The following PCSK6 variants were observed in gnomAD, a reference collection of about 807,000 sequenced individuals.
PCSK6 encodes paired basic amino acid cleaving enzyme 4.
A neutral mutation model predicts 123.3 loss-of-function variants in PCSK6; 85 were observed. The observed-to-expected ratio is 0.69, with a 90% confidence interval of 0.58 to 0.83. PCSK6 has a LOEUF of 0.83. PCSK6 is among the 40% of genes least tolerant of loss of function. The pLI is 0.00. For synonymous variants in PCSK6, 508 were observed against 516.0 expected, an observed-to-expected ratio of 0.98 and a Z score of 0.21; for missense variants, 1,191 against 1,282.3, an observed-to-expected ratio of 0.93 and a Z score of 1.09.
At chr15:101,337,993 C>T (rs539802991) in intron 13 of PCSK6, among the ~76,000 whole-genome samples, 3 of 152,226 alleles carry the variant, frequency 2.0e-5, no homozygotes, top group South Asian at 2.1e-4. Flanking sequence ...AATAGAGTCC[C>T]GAAAGTGGAA....
At chr15:101,366,051 A>T in intron 13 of PCSK6, 145 bp downstream of exon 13, 2 of 851,452 alleles carry the variant, frequency 2.3e-6, no homozygotes, top group Non-Finnish European at 3.5e-6. Context: ...AAAAATAATT[A>T]AAATGGTGAA....
chr15:101,364,400 C>A (rs1403696894), intron 13 of PCSK6, among the ~76,000 whole-genome samples: 8 of 152,102 alleles, frequency 5.3e-5, no homozygotes, highest in Admixed American at 5.2e-4. Context: ...AGTTTTCTTT[C>A]CTGGTTGTAA....
Position 101,307,197 on chromosome 15 carries a change from C to T in PCSK6, c.2812+16G>A. 6.2e-6 allele frequency: 10 copies of T among 1,600,400 alleles called. No individual in the cohort carries two copies. The highest frequency in any genetic ancestry group is 8.6e-6 in the Non-Finnish European group (10 of 1,168,858). On this transcript the variant is annotated intron_variant, in intron 21 of 21. Transcript: ENST00000611716. ...TCCTCCACAGGCAGCCCCAGGGTAA[C>T]CCAGCTGCTGCTCACCGTTGCTGCA... is the stretch of plus-strand genomic sequence containing the variant.
chr15:101,370,300 G>A lies in PCSK6; in HGVS notation c.1721+35C>T, dbSNP rs963801410. ...TCTTGTGCAGGGTCAATCTCAGTGA[G>A]CCCAGACCCCATCCCCACGCCTGCC... On this transcript the variant is annotated intron_variant, in intron 12 of 21. Transcript: ENST00000611716. 4 of 1,481,570 alleles carry A rather than the reference G, an allele frequency of 2.7e-6. No homozygotes were observed. The African/African-American group carries it at 4.2e-5, about 16-fold the overall frequency. The allele number at this position is 1,481,570 out of a possible 1,614,324, so 91.8% of individuals were successfully genotyped here.
chr15:101,345,301 A>G (rs1273725390), intron 13 of PCSK6, among the ~76,000 whole-genome samples: 3 of 152,228 alleles, frequency 2.0e-5, no homozygotes, highest in African/African-American at 7.2e-5. Flanking sequence ...ATCTTTTAAC[A>G]TTTTGATCTT....
intron 6 of PCSK6, among the ~76,000 whole-genome samples, chr15:101,425,953 G>A (rs2056241857): frequency 6.6e-6 from 1 of 152,168 alleles, no homozygotes; most frequent in African/African-American, 2.4e-5. Flanking sequence ...TTCTCACATT[G>A]TGACGTGGAG....
intron 1 of PCSK6, among the ~76,000 whole-genome samples, chr15:101,464,315 C>A (rs1481850342): frequency 1.3e-5 from 2 of 152,116 alleles, no homozygotes; most frequent in Non-Finnish European, 2.9e-5. Context: ...GAGGTGGGCT[C>A]CAAGCGGGAC....
At chr15:101,413,415 T>A (rs566151366) in intron 6 of PCSK6, among the ~76,000 whole-genome samples, 1 of 151,248 alleles carries the variant, frequency 6.6e-6, no homozygotes, top group South Asian at 2.1e-4. Context: ...AAAAACATTA[T>A]AAACCAAGTG....
intron 10 of PCSK6, among the ~76,000 whole-genome samples, chr15:101,383,236 G>A (rs548142555): frequency 5.9e-5 from 9 of 151,950 alleles, no homozygotes; most frequent in African/African-American, 1.2e-4. Context: ...GTGAAACCCC[G>A]TCTCCACTAA....
At chr15:101,380,442 T>C (rs1264629052) in intron 11 of PCSK6, among the ~76,000 whole-genome samples, 1 of 152,132 alleles carries the variant, frequency 6.6e-6, no homozygotes, top group East Asian at 1.9e-4. Context: ...GCAGGCGTTT[T>C]CCAGCAAAGA....
At chr15:101,327,169 G>C (rs2040274444) in intron 15 of PCSK6, among the ~76,000 whole-genome samples, 1 of 152,182 alleles carries the variant, frequency 6.6e-6, no homozygotes, top group South Asian at 2.1e-4. Context: ...TGGAGCCCTT[G>C]GTGGGACGGC....
chr15:101,475,996 T>G (rs1054253874), intron 1 of PCSK6, among the ~76,000 whole-genome samples: 2 of 152,172 alleles, frequency 1.3e-5, no homozygotes, highest in Non-Finnish European at 2.9e-5. Context: ...ACAATGTAAC[T>G]TGCACACATA....
At chr15:101,466,146 G>A (rs1024744709) in intron 1 of PCSK6, among the ~76,000 whole-genome samples, 2 of 152,060 alleles carry the variant, frequency 1.3e-5, no homozygotes, top group African/African-American at 4.8e-5. Context: ...TGCAAGTCAC[G>A]TGTCTGATAA....
intron 15 of PCSK6, 116 bp downstream of exon 15, chr15:101,331,535 G>A (rs2040370289): frequency 2.3e-6 from 2 of 863,298 alleles, no homozygotes; most frequent in Non-Finnish European, 3.8e-6. Context: ...GAAAGGGGGT[G>A]CTCCTAGAAG....
intron 1 of PCSK6, among the ~76,000 whole-genome samples, chr15:101,488,795 CG>C (rs1189823778): frequency 6.6e-6 from 1 of 151,668 alleles, no homozygotes; most frequent in African/African-American, 2.4e-5. Context: ...TGCAGGCTCC[CG>C]GCCATCTACC....
intron 13 of PCSK6, among the ~76,000 whole-genome samples, chr15:101,361,002 C>T (rs928812988): frequency 2.0e-5 from 3 of 152,204 alleles, no homozygotes; most frequent in Non-Finnish European, 4.4e-5. Flanking sequence ...CAGTGCATCC[C>T]CAGTGCTTAG....
intron 1 of PCSK6, among the ~76,000 whole-genome samples, chr15:101,470,435 T>A (rs2057576694): frequency 6.6e-6 from 1 of 152,190 alleles, no homozygotes; most frequent in Admixed American, 6.5e-5. Context: ...ACTTTCCCCA[T>A]ACACTGTGCT....
chr15:101,394,686 G>A (rs983298825), intron 7 of PCSK6, among the ~76,000 whole-genome samples: 1 of 152,218 alleles, frequency 6.6e-6, no homozygotes, highest in Non-Finnish European at 1.5e-5. Flanking sequence ...GAGCCAAATT[G>A]AAGCCTGCTG....
In PCSK6 at chr15:101,429,812, G is replaced by A. The variant is rs572973814; in HGVS notation, c.734+175C>T. Among the ~76,000 whole-genome samples the A allele has an allele frequency of 7.4e-4, 112 of 152,370 alleles. 1 individual carries two copies. In the South Asian group the frequency reaches 0.02, roughly 27 times the overall value. ...CAGGCTGACTCCACAGAAGCTGGCC[G>A]TGCCTGAAGGGCTGTGCCTGGCATG... On this transcript the variant is annotated intron_variant, in intron 5 of 21. Coordinates refer to ENST00000611716, the MANE Select transcript of PCSK6 (RefSeq NM_002570.5).
Sources: allele counts gnomAD v4.1 joint callset (sites outside exome capture counted in the v4.1 genomes callset), GRCh38; gene constraint gnomAD v4.1.1; transcripts MANE v1.5; gene names NCBI Gene and HGNC (gene_info 2026-07-23, HGNC 2026-07-21).